Variants in USH2A observed in about 807,000 individuals in gnomAD.
USH2A encodes usherin.
USH2A carries 443 observed loss-of-function variants against 538.9 expected under a neutral mutation model. The ratio of observed to expected loss-of-function variants is 0.82; its 90% CI spans 0.76 to 0.89. The LOEUF is 0.89. Among genes scored for constraint, USH2A ranks in the 40% least tolerant of loss-of-function variants. The probability of loss-of-function intolerance (pLI) is 0.00; values close to 1 mark genes in which losing one functional copy is unlikely to be tolerated. For synonymous variants in USH2A, 2,413 were observed against 2,273.5 expected (o/e 1.06, Z -1.75); for missense variants, 6,633 against 6,324.8 (o/e 1.05, Z -1.65).
At chr1:215,771,579 C>A (rs12738218) in intron 55 of USH2A, among the ~76,000 whole-genome samples, 1 of 43,988 alleles carries the variant, frequency 2.3e-5, no homozygotes, top group Non-Finnish European at 3.7e-5. Context: ...GACTCCGTCT[C>A]AAAAAAAAAA....
At chr1:216,079,750 G>A (rs867148926) in intron 26 of USH2A, among the ~76,000 whole-genome samples, 3 of 152,060 alleles carry the variant, frequency 2.0e-5, no homozygotes, top group African/African-American at 4.8e-5. Context: ...ACAAAATCTC[G>A]ACTAGAATTC....
intron 47 of USH2A, among the ~76,000 whole-genome samples, chr1:215,822,097 G>A (rs4453013): frequency 0.034 from 5,172 of 151,772 alleles, 101 homozygotes; most frequent in African/African-American, 0.05. Flanking sequence ...GATTGCTTCA[G>A]CTATTCTGGG....
chr1:215,709,356 C>T (rs1659270928), intron 61 of USH2A, among the ~76,000 whole-genome samples: 1 of 151,970 alleles, frequency 6.6e-6, no homozygotes, highest in Non-Finnish European at 1.5e-5. Flanking sequence ...AGTAAATATA[C>T]ATATTATGCA....
At chr1:216,365,167 G>A (rs2038571552) in intron 3 of USH2A, 82 bp from the exon 4 acceptor site, 3 of 1,481,736 alleles carry the variant, frequency 2.0e-6, no homozygotes, top group Non-Finnish European at 2.7e-6. Flanking sequence ...TTTTTATTAA[G>A]TAACTTTCTT....
chr1:216,286,622 G>A (rs1392459338), intron 11 of USH2A, among the ~76,000 whole-genome samples: 16 of 152,100 alleles, frequency 1.1e-4, no homozygotes, highest in Non-Finnish European at 7.4e-5. Flanking sequence ...TGTTCAGGAG[G>A]CCGAGGCAGG....
intron 43 of USH2A, among the ~76,000 whole-genome samples, chr1:215,867,762 G>A (rs999502159): frequency 6.6e-6 from 1 of 152,186 alleles, no homozygotes; most frequent in African/African-American, 2.4e-5. Context: ...GCCATAGTGT[G>A]AACATATTTA....
chr1:216,127,896 G>T (rs372447185), intron 21 of USH2A, among the ~76,000 whole-genome samples: 26 of 152,236 alleles, frequency 1.7e-4, no homozygotes, highest in Admixed American at 1.2e-3. Flanking sequence ...AACCAGATTT[G>T]CTATCTGTAT....
intron 21 of USH2A, among the ~76,000 whole-genome samples, chr1:216,122,560 A>G (rs546908734): frequency 6.6e-6 from 1 of 152,326 alleles, no homozygotes; most frequent in East Asian, 1.9e-4. Flanking sequence ...GCAGCTTTCC[A>G]AGAACATAAA....
At chr1:215,938,244 T>C (rs964786976) in intron 37 of USH2A, among the ~76,000 whole-genome samples, 3 of 152,096 alleles carry the variant, frequency 2.0e-5, no homozygotes, top group Non-Finnish European at 1.5e-5. Context: ...TACAGTTCAA[T>C]TCACAGACCT....
chr1:216,235,860 A>T (rs142618247), intron 13 of USH2A, among the ~76,000 whole-genome samples: 1 of 152,208 alleles, frequency 6.6e-6, no homozygotes, highest in African/African-American at 2.4e-5. Flanking sequence ...GAAAATGGAC[A>T]TAATAGTTAC....
intron 32 of USH2A, among the ~76,000 whole-genome samples, chr1:216,039,393 G>A (rs2030159443): frequency 6.6e-6 from 1 of 151,908 alleles, no homozygotes; most frequent in Admixed American, 6.6e-5. Context: ...GACATCAAAG[G>A]GAAACATGGT....
rs191349744 is a variant in USH2A, at chr1:215,832,547, C to G, written c.9371+5444G>C. Among the ~76,000 whole-genome samples, 222 of 151,924 alleles carry G rather than the reference C, an allele frequency of 1.5e-3. 1 individual carries two copies. Among genetic ancestry groups the G allele is most frequent in the African/African-American group, 5.0e-3 (208 of 41,538 alleles). ...TGTCAAAAAAGCATGTGACAAATTT[C>G]CATGTCCATTTATAATGAAAATTGT... On this transcript the variant is annotated intron_variant, in intron 47 of 71. Transcript: ENST00000307340.
At chr1:216,266,752 G>T (rs2102574598) in intron 11 of USH2A, among the ~76,000 whole-genome samples, 1 of 152,102 alleles carries the variant, frequency 6.6e-6, no homozygotes, top group East Asian at 1.9e-4. Flanking sequence ...ATATATTCAT[G>T]TAGCAAAGAC....
At chr1:216,014,984 A>T (rs1668670918) in intron 32 of USH2A, among the ~76,000 whole-genome samples, 1 of 152,210 alleles carries the variant, frequency 6.6e-6, no homozygotes, top group Non-Finnish European at 1.5e-5. Flanking sequence ...AGAAAATTAC[A>T]TAGCACTTTT....
chr1:215,934,006 G>A (rs1166700623), intron 38 of USH2A, among the ~76,000 whole-genome samples: 3 of 151,876 alleles, frequency 2.0e-5, no homozygotes, highest in Non-Finnish European at 2.9e-5. Flanking sequence ...TGAATAGGTC[G>A]ATTTTTATAG....
chr1:215,634,486 A>T lies in USH2A; in HGVS notation c.15270T>A (p.Asn5090Lys). 6.2e-7 allele frequency: 1 copy of T among 1,614,230 alleles called. No homozygotes were observed. The highest frequency in any genetic ancestry group is 8.5e-7 in the Non-Finnish European group (1 of 1,180,032). The change falls in exon 70 of 72, where the codon AAT becomes AAA. Residue 5090 changes from asparagine to lysine, a missense_variant. Asn to Lys is a moderately conservative substitution (Grantham distance 94). Transcript: ENST00000307340. ...VPLQKRMSPL[N>K]VYPPGENHMG... ...TATGGTTTTCCCCCGGTGGGTAAAC[A>T]TTCAATGGAGACATCCTCTTCTGAA...
At chr1:216,191,574 C>A (rs906431848) in intron 19 of USH2A, among the ~76,000 whole-genome samples, 1 of 151,818 alleles carries the variant, frequency 6.6e-6, no homozygotes, top group African/African-American at 2.4e-5. Context: ...ACATCAAATA[C>A]CAAGTAATTC....
intron 52 of USH2A, among the ~76,000 whole-genome samples, chr1:215,786,081 C>G (rs1661792501): frequency 6.6e-6 from 1 of 152,084 alleles, no homozygotes; most frequent in Non-Finnish European, 1.5e-5. Flanking sequence ...CTAAACTTAA[C>G]AGTGTTTCTC....
chr1:216,279,980 G>A (rs935377051), intron 11 of USH2A, among the ~76,000 whole-genome samples: 6 of 151,784 alleles, frequency 4.0e-5, no homozygotes, highest in African/African-American at 1.2e-4. Context: ...GGAGACAAGC[G>A]GCTCACTCCC....
Sources: allele counts gnomAD v4.1 joint callset (sites outside exome capture counted in the v4.1 genomes callset), GRCh38; gene constraint gnomAD v4.1.1; transcripts MANE v1.5; gene names NCBI Gene and HGNC (gene_info 2026-07-23, HGNC 2026-07-21).